The following SLC12A8 variants were observed in gnomAD, a reference collection of about 807,000 sequenced individuals.
SLC12A8 encodes the protein solute carrier family 12 member 8.
In SLC12A8, 69 loss-of-function variants were observed where a neutral mutation model predicts 75.6. That is an observed-to-expected ratio of 0.91 (90% CI 0.75 to 1.11). The LOEUF (loss-of-function observed/expected upper bound fraction) is 1.11. Among genes scored for constraint, SLC12A8 ranks in the 50% most tolerant of loss-of-function variants. SLC12A8 has a pLI of 0.00. For missense variants in SLC12A8, 877 were observed against 896.7 expected (o/e 0.98, Z 0.28); for synonymous variants, 365 against 372.8 (o/e 0.98, Z 0.24).
chr3:125,094,420 C>A (rs1172809629), intron 10 of SLC12A8, among the ~76,000 whole-genome samples: 1 of 152,160 alleles, frequency 6.6e-6, no homozygotes, highest in Admixed American at 6.5e-5. Context: ...CCAAAGAGAA[C>A]TTTTCATGTT....
chr3:125,134,233 C>T (rs1933433899), intron 6 of SLC12A8, among the ~76,000 whole-genome samples: 1 of 151,688 alleles, frequency 6.6e-6, no homozygotes. Flanking sequence ...TCCTAAGTAG[C>T]TGGAACTACA....
chr3:125,087,012 G>A (rs189860381), intron 13 of SLC12A8, among the ~76,000 whole-genome samples: 67 of 152,224 alleles, frequency 4.4e-4, no homozygotes, highest in Non-Finnish European at 6.5e-4. Context: ...GCACAGCAAC[G>A]TGAATGTCCT....
At chr3:125,139,695 G>A (rs1046505817) in intron 5 of SLC12A8, among the ~76,000 whole-genome samples, 6 of 152,170 alleles carry the variant, frequency 3.9e-5, no homozygotes, top group Non-Finnish European at 8.8e-5. Context: ...CTGACTGGCC[G>A]GTACTGGCTA....
At position 125,110,228 on chromosome 3, in the gene SLC12A8, C is replaced by T. The variant is rs1209440569; in HGVS notation, c.1020G>A (p.Gln340=). The T allele has an allele frequency of 1.2e-6, 2 of 1,614,024 alleles. No individual in the cohort carries two copies. The highest frequency in any genetic ancestry group is 1.7e-6 in the Non-Finnish European group (2 of 1,179,916). Residue 340 remains glutamine (Q), a synonymous_variant, in exon 9 of 14, where the codon CAG becomes CAA. Transcript: ENST00000469902. ...AGGCAAGTGCAGGGATCACTTTCTCCTGGGCAATGCACTGCAGGATGCGGG... is the reference window on the plus strand; with the variant it reads ...AGGCAAGTGCAGGGATCACTTTCTCTTGGGCAATGCACTGCAGGATGCGGG... ...GAPRILQCIA[Q]EKVIPALACL...
intron 5 of SLC12A8, among the ~76,000 whole-genome samples, chr3:125,147,503 T>G (rs940924571): frequency 1.3e-5 from 2 of 151,930 alleles, no homozygotes; most frequent in Non-Finnish European, 2.9e-5. Flanking sequence ...GAGGTGTGTT[T>G]GTACCATCTC....
intron 5 of SLC12A8, among the ~76,000 whole-genome samples, chr3:125,153,731 C>G (rs968482066): frequency 9.9e-5 from 15 of 152,100 alleles, no homozygotes; most frequent in Non-Finnish European, 2.1e-4. Context: ...CTCCACCTCC[C>G]AGGTTCAAGC....
rs931839214 is a variant in SLC12A8 at position 125,082,750 on chromosome 3, A to T, written c.*1140T>A. 7 of 152,240 alleles carry T rather than the reference A, an allele frequency of 4.6e-5. No homozygotes were observed. The highest frequency in any genetic ancestry group is 1.4e-4 in the African/African-American group (6 of 41,470). The allele number at this position is 152,240 out of a possible 1,614,324, so 9.4% of individuals were successfully genotyped here. A position where few individuals can be genotyped will look rare whatever the true frequency, so the allele number is the denominator to read the frequency against. ...CCACTTTTGGGAATTTATCCTAGAG[A>T]TACACTTTATGCTTGCACATTTGTA... On this transcript the variant is annotated 3_prime_UTR_variant, in exon 14 of 14. Coordinates refer to ENST00000469902, the MANE Select transcript of SLC12A8 (RefSeq NM_024628.6).
intron 2 of SLC12A8, among the ~76,000 whole-genome samples, chr3:125,201,845 G>A (rs1188152375): frequency 2.6e-5 from 4 of 152,084 alleles, no homozygotes; most frequent in Non-Finnish European, 5.9e-5. Flanking sequence ...AATTATACTT[G>A]ATAATTATTG....
At chr3:125,103,246 T>C (rs1263738765) in intron 10 of SLC12A8, among the ~76,000 whole-genome samples, 1 of 151,998 alleles carries the variant, frequency 6.6e-6, no homozygotes, top group Non-Finnish European at 1.5e-5. Flanking sequence ...AGAATGCCCG[T>C]ACCTATCTGT....
At chr3:125,159,272 T>A (rs1457070940) in intron 5 of SLC12A8, among the ~76,000 whole-genome samples, 1 of 152,194 alleles carries the variant, frequency 6.6e-6, no homozygotes, top group Non-Finnish European at 1.5e-5. Context: ...AAAGAACTTT[T>A]TTTTTTAGAG....
intron 5 of SLC12A8, among the ~76,000 whole-genome samples, chr3:125,176,227 C>T (rs1406920826): frequency 6.6e-6 from 1 of 152,122 alleles, no homozygotes; most frequent in Admixed American, 6.5e-5. Context: ...AAACAGATCT[C>T]GCTAAATAAT....
intron 9 of SLC12A8, among the ~76,000 whole-genome samples, 161 bp from the exon 10 acceptor site, chr3:125,108,287 G>T (rs1476632885): frequency 6.6e-6 from 1 of 152,160 alleles, no homozygotes; most frequent in African/African-American, 2.4e-5. Context: ...CCTACTCATG[G>T]GATTAGTTCA....
chr3:125,189,651 G>A (rs1016691076), intron 3 of SLC12A8, among the ~76,000 whole-genome samples: 2 of 152,222 alleles, frequency 1.3e-5, no homozygotes, highest in Non-Finnish European at 2.9e-5. Flanking sequence ...AGTAGTGCTT[G>A]GCCCACAGCA....
chr3:125,110,434 C>T, intron 8 of SLC12A8, 99 bp from the exon 9 acceptor site: 2 of 1,204,900 alleles, frequency 1.7e-6, no homozygotes, highest in South Asian at 1.5e-5. Flanking sequence ...CAATCATCCA[C>T]TGAGTCGTCT....
chr3:125,167,340 T>C (rs1579518747), intron 5 of SLC12A8, among the ~76,000 whole-genome samples: 1 of 152,258 alleles, frequency 6.6e-6, no homozygotes, highest in East Asian at 1.9e-4. Flanking sequence ...GAGATGGGGT[T>C]TCACCATGTT....
chr3:125,202,398 G>A (rs1416488177), intron 2 of SLC12A8, among the ~76,000 whole-genome samples: 1 of 152,166 alleles, frequency 6.6e-6, no homozygotes, highest in Non-Finnish European at 1.5e-5. Flanking sequence ...ATCAGGCCAG[G>A]CGGCCAGAGT....
At chr3:125,163,506 G>A (rs1280558784) in intron 5 of SLC12A8, among the ~76,000 whole-genome samples, 1 of 151,598 alleles carries the variant, frequency 6.6e-6, no homozygotes, top group Non-Finnish European at 1.5e-5. Flanking sequence ...GGCTGAGGCA[G>A]GAGAATGGTG....
chr3:125,177,617 C>T lies in SLC12A8; in HGVS notation c.622+126G>A, dbSNP rs1012773568. ...ACCTGCTCACCTGATCCAGGAACAG[C>T]TCACACCAATTGTAGGTAAAGCCTA... On this transcript the variant is annotated intron_variant, in intron 5 of 13. Coordinates refer to ENST00000469902, the MANE Select transcript of SLC12A8 (RefSeq NM_024628.6). The T allele has an allele frequency of 1.3e-5, 9 of 671,308 alleles. No homozygotes were observed. The East Asian group carries it at 2.1e-4, about 16-fold the overall frequency. The allele number at this position is 671,308 out of a possible 1,614,324, so 41.6% of individuals were successfully genotyped here.
Position 125,110,256 on chromosome 3 carries a change from G to A in SLC12A8, c.992C>T (p.Ala331Val). ...GGCAATGCACTGCAGGATGCGGGGA[G>A]CTCCATAAAGTCCTCCCATGCAGGA... The part of the protein sequence containing the change: ...LASCMGGLYG[A>V]PRILQCIAQE... The change falls in exon 9 of 14, where the codon GCT becomes GTT. Residue 331 changes from alanine (A) to valine (V), a missense_variant. Ala to Val is a moderately conservative substitution (Grantham distance 64, BLOSUM62 0). Coordinates refer to ENST00000469902, the MANE Select transcript of SLC12A8 (RefSeq NM_024628.6). 6.2e-7 allele frequency: 1 copy of A among 1,614,056 alleles called. No homozygotes were observed. The highest frequency in any genetic ancestry group is 2.2e-5 in the East Asian group (1 of 44,888).
Sources: gnomAD v4.1 joint callset for allele counts (sites outside exome capture counted in the v4.1 genomes callset) on GRCh38, gnomAD v4.1.1 for gene constraint, MANE v1.5 for transcripts, NCBI Gene and HGNC (gene_info 2026-07-23, HGNC 2026-07-21) for gene names.